The following GMPS variants were observed in gnomAD, a reference collection of about 807,000 sequenced individuals.
GMPS encodes guanosine monophosphate synthase, also known as GMP synthase [glutamine-hydrolyzing].
In GMPS, 15 loss-of-function variants were observed where a neutral mutation model predicts 77.9. That is an observed-to-expected ratio of 0.19 (90% CI 0.13 to 0.30). The LOEUF is 0.30. Among genes scored for constraint, GMPS ranks in the 10% least tolerant of loss-of-function variants. The pLI is 1.00. For synonymous variants in GMPS, 224 were observed against 275.9 expected (o/e 0.81, Z 1.86); for missense variants, 590 against 838.8 (o/e 0.70, Z 3.66).
chr3:155,928,694 ACCCCACCACAGTCCCCAGAGTGTGATATT>A (rs1312212784), intron 12 of GMPS, among the ~76,000 whole-genome samples: 2 of 62,090 alleles, frequency 3.2e-5, no homozygotes, highest in African/African-American at 1.4e-4. Context: ...CCCTCCCCCC[ACCCCACCACAGTCCCCAGAGTGTGATATT>A]CCCCTTCCTG....
chr3:155,933,818 GA>G (rs1017978901), intron 13 of GMPS, among the ~76,000 whole-genome samples: 45 of 152,260 alleles, frequency 3.0e-4, no homozygotes, highest in Non-Finnish European at 6.0e-4. Context: ...TGAAGATTGT[GA>G]AACAGATCCC....
At chr3:155,900,530 C>G (rs1754711281) in intron 3 of GMPS, among the ~76,000 whole-genome samples, 1 of 152,036 alleles carries the variant, frequency 6.6e-6, no homozygotes, top group Non-Finnish European at 1.5e-5. Context: ...AAGAATCTCA[C>G]AAGATATATT....
intron 1 of GMPS, among the ~76,000 whole-genome samples, chr3:155,882,906 CA>C (rs1702746199): frequency 1.3e-5 from 2 of 152,018 alleles, no homozygotes; most frequent in Admixed American, 6.6e-5. Context: ...AGATTTTATT[CA>C]TTATTTCCAA....
rs1391158721 is a variant in GMPS, at chr3:155,912,382, C to T, written c.886+1103C>T. 3.3e-5 allele frequency among the ~76,000 whole-genome samples: 5 copies of T among 152,286 alleles called. No homozygotes were observed. The East Asian group carries it at 9.6e-4, about 29-fold the overall frequency. ...CTCTGTTTAAGCTAGGGGGGTCTCTCCCAACATCCTGGGAAGGTCCCCAAT... is the reference window on the plus strand; with the variant it reads ...CTCTGTTTAAGCTAGGGGGGTCTCTTCCAACATCCTGGGAAGGTCCCCAAT... On this transcript the variant is annotated intron_variant, in intron 7 of 15. Transcript: ENST00000496455.
intron 1 of GMPS, among the ~76,000 whole-genome samples, chr3:155,888,956 A>C (rs1189643564): frequency 6.6e-6 from 1 of 152,040 alleles, no homozygotes; most frequent in East Asian, 1.9e-4. Flanking sequence ...CATGGGCTCA[A>C]GCGATCTGCC....
intron 2 of GMPS, among the ~76,000 whole-genome samples, chr3:155,894,373 G>A (rs1754550308): frequency 6.6e-6 from 1 of 152,024 alleles, no homozygotes; most frequent in African/African-American, 2.4e-5. Flanking sequence ...ACAGGCGGAT[G>A]CCACCACACC....
At chr3:155,905,225 G>A (rs1476524391) in intron 4 of GMPS, among the ~76,000 whole-genome samples, 2 of 151,850 alleles carry the variant, frequency 1.3e-5, no homozygotes. Flanking sequence ...GGCTGGTCTT[G>A]AACTCCCGAT....
intron 10 of GMPS, 59 bp from the exon 11 acceptor site, chr3:155,922,115 CATTTTTATATTAG>C (rs1755332446): frequency 1.6e-5 from 10 of 627,932 alleles, no homozygotes; most frequent in South Asian, 7.1e-5. Context: ...AAACTAGTGG[CATTTTTATATTAG>C]ATTTTTATAT....
At position 155,888,373 on chromosome 3, in the gene GMPS, G is replaced by A. The variant is rs577250455; in HGVS notation, c.28-5145G>A. 5.3e-5 allele frequency among the ~76,000 whole-genome samples: 8 copies of A among 151,980 alleles called. No homozygotes were observed. In the South Asian group the frequency reaches 1.7e-3, roughly 32 times the overall value. ...TAGTACATTCTAGTTTTGAGCTGAG[G>A]ATGTCTTTCTTGCTTATTCTCATAG... On this transcript the variant is annotated intron_variant, in intron 1 of 15. Coordinates refer to ENST00000496455, the MANE Select transcript of GMPS (RefSeq NM_003875.3).
At position 155,936,500 on chromosome 3, in the gene GMPS, T is replaced by G. The variant is rs974092730; in HGVS notation, c.1970T>G (p.Ile657Ser). ...TGIPATPGNE[I>S]PVEVVLKMVT... ...ATACCTGCAACACCTGGCAATGAGA[T>G]CCCTGTAGAGGTAATTTATATATTT... is the stretch of plus-strand genomic sequence containing the variant. The change falls in exon 15 of 16, where the codon ATC becomes AGC. Residue 657 changes from isoleucine (I) to serine (S), a missense_variant. Physicochemically the swap from Ile to Ser is moderately radical, Grantham distance 142. Coordinates refer to ENST00000496455, the MANE Select transcript of GMPS (RefSeq NM_003875.3). 6.3e-7 allele frequency: 1 copy of G among 1,593,140 alleles called. No homozygotes were observed. The highest frequency in any genetic ancestry group is 8.6e-7 in the Non-Finnish European group (1 of 1,160,918).
At chr3:155,930,383 G>A (rs1259999857) in intron 12 of GMPS, among the ~76,000 whole-genome samples, 42 of 143,686 alleles carry the variant, frequency 2.9e-4, no homozygotes, top group Admixed American at 2.8e-4. Context: ...AGATTTAAAC[G>A]TTAGACCTAA....
At chr3:155,885,848 C>T (rs537665298) in intron 1 of GMPS, among the ~76,000 whole-genome samples, 33 of 152,178 alleles carry the variant, frequency 2.2e-4, no homozygotes, top group Non-Finnish European at 2.6e-4. Flanking sequence ...GAGAGAATCT[C>T]GCTCTGTCAC....
At chr3:155,908,772 G>C (rs1754958853) in intron 5 of GMPS, among the ~76,000 whole-genome samples, 1 of 152,176 alleles carries the variant, frequency 6.6e-6, no homozygotes, top group African/African-American at 2.4e-5. Context: ...TTAAATTCAA[G>C]ATGGTTTATT....
chr3:155,938,622 A>T lies in GMPS; in HGVS notation c.*930A>T, dbSNP rs1755818682. On this transcript the variant is annotated 3_prime_UTR_variant, in exon 16 of 16. Transcript: ENST00000496455. ...ATGATGCATACCTACAGCTTACAAA[A>T]GGGAGAGGAAAAATGTTTATATCAT... 1 of 201,864 alleles carries T rather than the reference A, an allele frequency of 5.0e-6. No homozygotes were observed. 12.5% of individuals were successfully genotyped at this position (201,864 alleles called of 1,614,324 possible).
At chr3:155,928,306 G>A (rs916196917) in intron 12 of GMPS, among the ~76,000 whole-genome samples, 1 of 151,978 alleles carries the variant, frequency 6.6e-6, no homozygotes, top group Non-Finnish European at 1.5e-5. Context: ...AGGATTACAG[G>A]CATGAGCTAC....
chr3:155,927,835 T>C, intron 12 of GMPS, among the ~76,000 whole-genome samples: 1 of 152,074 alleles, frequency 6.6e-6, no homozygotes, highest in South Asian at 2.1e-4. Flanking sequence ...TGAACTTACC[T>C]TTCTGTGCCT....
At chr3:155,904,407 A>C (rs1577515497) in intron 4 of GMPS, among the ~76,000 whole-genome samples, 1 of 151,638 alleles carries the variant, frequency 6.6e-6, no homozygotes, top group East Asian at 1.9e-4. Flanking sequence ...CTTCTGCCTC[A>C]GCCTCCCGAG....
chr3:155,915,630 G>A (rs2108112078), intron 8 of GMPS, among the ~76,000 whole-genome samples: 1 of 152,160 alleles, frequency 6.6e-6, no homozygotes, highest in African/African-American at 2.4e-5. Context: ...TCAAACTCCT[G>A]ACCTTGTGAT....
intron 10 of GMPS, among the ~76,000 whole-genome samples, chr3:155,921,607 A>G (rs994601169): frequency 4.6e-5 from 7 of 152,250 alleles, no homozygotes; most frequent in Admixed American, 1.3e-4. Flanking sequence ...GACCAGCCTG[A>G]ACAGCATAGT....
Sources: allele counts gnomAD v4.1 joint callset (sites outside exome capture counted in the v4.1 genomes callset), GRCh38; gene constraint gnomAD v4.1.1; transcripts MANE v1.5; gene names NCBI Gene and HGNC (gene_info 2026-07-23, HGNC 2026-07-21).